The following UGT1A5 variants were observed in gnomAD, a reference collection of about 807,000 sequenced individuals.
The protein encoded by UGT1A5 is UDP-glucuronosyltransferase 1A5.
In UGT1A5, 29 loss-of-function variants were observed where a neutral mutation model predicts 40.3. The ratio of observed to expected loss-of-function variants is 0.72; its 90% CI spans 0.54 to 0.98. The LOEUF (loss-of-function observed/expected upper bound fraction) is 0.98. Among genes scored for constraint, UGT1A5 ranks in the 50% least tolerant of loss-of-function variants. UGT1A5 has a pLI of 0.00. For missense variants in UGT1A5, 678 were observed against 677.9 expected (o/e 1.00, Z 0.00); for synonymous variants, 257 against 262.5 (o/e 0.98, Z 0.20).
chr2:233,717,234 A>G (rs2076558835), intron 1 of UGT1A5, among the ~76,000 whole-genome samples: 1 of 152,176 alleles, frequency 6.6e-6, no homozygotes, highest in Admixed American at 6.5e-5. Flanking sequence ...GGTTCTTAAG[A>G]TGCAGACAGT....
Position 233,768,357 on chromosome 2 carries a change from G to A in UGT1A5, c.1225G>A (p.Gly409Arg). Residue 409 changes from glycine (G) to arginine (R), a missense_variant, in exon 4 of 5, where the codon GGA becomes AGA. By Grantham distance (125) the Gly-to-Arg change is moderately radical. Transcript: ENST00000373414. ...CAATGCAAAGCGCATGGAGACTAAG[G>A]GAGCTGGAGTGACCCTGAATGTTCT... ...MDNAKRMETK[G>R]AGVTLNVLEM... 6 of 1,614,142 alleles carry A rather than the reference G, an allele frequency of 3.7e-6. No homozygotes were observed. The highest frequency in any genetic ancestry group is 5.1e-6 in the Non-Finnish European group (6 of 1,180,032).
chr2:233,747,765 A>T, intron 1 of UGT1A5: 1 of 1,613,500 alleles, frequency 6.2e-7, no homozygotes, highest in Non-Finnish European at 8.5e-7. Context: ...CTTTAAGGGC[A>T]CACAGTGTCC....
intron 1 of UGT1A5, chr2:233,719,820 C>T: frequency 6.4e-7 from 1 of 1,571,828 alleles, no homozygotes; most frequent in Non-Finnish European, 8.6e-7. Flanking sequence ...AACAGATAAA[C>T]TGTTGAGGGG....
rs140860588 is a variant in UGT1A5 at position 233,718,960 on chromosome 2, C to T, written c.867+5102C>T. On this transcript the variant is annotated intron_variant, in intron 1 of 4. Coordinates refer to ENST00000373414, the MANE Select transcript of UGT1A5 (RefSeq NM_019078.2). ...AGCCCCTGGCTCAGCATGCGGGAGG[C>T]CTTGCGGGAGCTCCATGCCAGAGGC... 1.4e-4 allele frequency: 218 copies of T among 1,614,192 alleles called. No homozygotes were observed. The highest frequency in any genetic ancestry group is 1.5e-4 in the Non-Finnish European group (177 of 1,180,018).
In UGT1A5 at chr2:233,736,783, G is replaced by T. The variant is rs545223479; in HGVS notation, c.867+22925G>T. ...CTTCTAACAGTCAGATCCCTCAGCTGCAGGTCTGTTGGAGTTTGCTGGAGG... is the reference window on the plus strand; with the variant it reads ...CTTCTAACAGTCAGATCCCTCAGCTTCAGGTCTGTTGGAGTTTGCTGGAGG... On this transcript the variant is annotated intron_variant, in intron 1 of 4. Transcript: ENST00000373414. Among the ~76,000 whole-genome samples, 9 of 152,312 alleles carry T rather than the reference G, an allele frequency of 5.9e-5. No homozygotes were observed. The South Asian group carries it at 1.9e-3, about 32-fold the overall frequency.
At chr2:233,754,607 T>G (rs1695531840) in intron 1 of UGT1A5, 1 of 435,160 alleles carries the variant, frequency 2.3e-6, no homozygotes, top group Admixed American at 2.6e-5. Flanking sequence ...AACTCAACTC[T>G]CCATCTTCCT....
Position 233,760,817 on chromosome 2 carries a change from G to A in UGT1A5, c.868-6217G>A, listed in dbSNP as rs1373930486. 1 of 1,613,516 alleles carries A rather than the reference G, an allele frequency of 6.2e-7. No individual in the cohort carries two copies. Among genetic ancestry groups the A allele is most frequent in the South Asian group, 1.1e-5 (1 of 91,054 alleles). ...GTATTCTTCTTGCATGCACTGCCAT[G>A]CAGCCTGGAATTTGAGGCTACCCAG... On this transcript the variant is annotated intron_variant, in intron 1 of 4. Transcript: ENST00000373414.
At chr2:233,730,076 AT>A (rs1473857752) in intron 1 of UGT1A5, 33 of 1,607,120 alleles carry the variant, frequency 2.1e-5, no homozygotes, top group Non-Finnish European at 2.4e-5. Flanking sequence ...TTGCTTCCAT[AT>A]TTACTTATCT....
Position 233,743,607 on chromosome 2 carries a change from A to G in UGT1A5, c.868-23427A>G, listed in dbSNP as rs531629615. 1.8e-5 allele frequency: 24 copies of G among 1,367,342 alleles called. No homozygotes were observed. In the East Asian group the frequency reaches 1.0e-3, roughly 57 times the overall value. 84.7% of individuals were successfully genotyped at this position (1,367,342 alleles called of 1,614,324 possible). A position where few individuals can be genotyped will look rare whatever the true frequency, so the allele number is the denominator to read the frequency against. The stretch of plus-strand genomic sequence containing the variant: ...AAGGAGAATGGGTCCTGGCCGCCGA[A>G]GAACTCCCTGAAGACGTCGGCTGGG... On this transcript the variant is annotated intron_variant, in intron 1 of 4. Transcript: ENST00000373414.
At chr2:233,729,094 G>A in intron 1 of UGT1A5, 1 of 1,612,652 alleles carries the variant, frequency 6.2e-7, no homozygotes, top group Non-Finnish European at 8.5e-7. Context: ...ACAGCGTGGG[G>A]TGGACAGTCA....
chr2:233,725,867 A>C (rs2077480868), intron 1 of UGT1A5, among the ~76,000 whole-genome samples: 1 of 152,102 alleles, frequency 6.6e-6, no homozygotes, highest in Admixed American at 6.5e-5. Context: ...CATCTCTTTT[A>C]ATTTGAAAAT....
At chr2:233,761,241 A>G in intron 1 of UGT1A5, 1 of 1,611,640 alleles carries the variant, frequency 6.2e-7, no homozygotes, top group Non-Finnish European at 8.5e-7. Context: ...TATGCTGAGC[A>G]AGCATTCTGA....
At chr2:233,728,345 G>A (rs2077703623) in intron 1 of UGT1A5, among the ~76,000 whole-genome samples, 1 of 152,208 alleles carries the variant, frequency 6.6e-6, no homozygotes, top group Non-Finnish European at 1.5e-5. Context: ...GTCCCTTGGT[G>A]AGCAGGAGCT....
rs1454259266 is a variant in UGT1A5 at position 233,713,875 on chromosome 2, T to G, written c.867+17T>G. On this transcript the variant is annotated intron_variant, in intron 1 of 4. Transcript: ENST00000373414. ...CTATCTCAGGTCTGTATTGGTGCCTTTATCCAATCAATGTTCCAGGCAAAA... is the reference window on the plus strand; with the variant it reads ...CTATCTCAGGTCTGTATTGGTGCCTGTATCCAATCAATGTTCCAGGCAAAA... 6.2e-7 allele frequency: 1 copy of G among 1,613,754 alleles called. No homozygotes were observed. The highest frequency in any genetic ancestry group is 1.7e-5 in the Admixed American group (1 of 60,012).
chr2:233,763,429 C>G (rs192488384), intron 1 of UGT1A5, among the ~76,000 whole-genome samples: 230 of 152,268 alleles, frequency 1.5e-3, no homozygotes, highest in South Asian at 0.014. Context: ...CAGGCAGTTG[C>G]TTTAATAAGT....
intron 1 of UGT1A5, chr2:233,719,320 T>C (rs1246045139): frequency 6.8e-6 from 11 of 1,613,984 alleles, no homozygotes; most frequent in Non-Finnish European, 8.5e-6. Context: ...TACCTGTCGA[T>C]TCCTGCTGTG....
rs1478087363 is a variant in UGT1A5 at position 233,769,799 on chromosome 2, G to A, written c.1307+1360G>A. 4.2e-6 allele frequency: 5 copies of A among 1,197,998 alleles called. No individual in the cohort carries two copies. Among genetic ancestry groups the A allele is most frequent in the Admixed American group, 5.9e-5 (2 of 34,170 alleles). 74.2% of individuals were successfully genotyped at this position (1,197,998 alleles called of 1,614,324 possible). A position where few individuals can be genotyped will look rare whatever the true frequency, so the allele number is the denominator to read the frequency against. ...GAGCCCAGAAGTTGGAGGCTGCTAT[G>A]AGCCGTGATCATGCCACTGCACTCC... On this transcript the variant is annotated intron_variant, in intron 4 of 4. Transcript: ENST00000373414. This position sits in a 1 kb window ranked among gnomAD's most constrained non-coding sequence, Gnocchi z 4.4.
In UGT1A5 at chr2:233,759,969, C is replaced by T. The variant is rs922270020; in HGVS notation, c.868-7065C>T. Among the ~76,000 whole-genome samples the T allele has an allele frequency of 3.3e-5, 5 of 152,292 alleles. No homozygotes were observed. The East Asian group carries it at 9.6e-4, about 29-fold the overall frequency. On this transcript the variant is annotated intron_variant, in intron 1 of 4. Transcript: ENST00000373414. ...GTTCACTACATAGTCGTCCTTCTTC[C>T]TCTCTGGTAACACTTGTTGGTCTGT...
chr2:233,729,936 G>A (rs1335744695), intron 1 of UGT1A5: 1 of 1,613,890 alleles, frequency 6.2e-7, no homozygotes, highest in Admixed American at 1.7e-5. Flanking sequence ...GGCCAATCAT[G>A]CCCAACATGG....
Sources: gnomAD v4.1 joint callset for allele counts (sites outside exome capture counted in the v4.1 genomes callset) on GRCh38, gnomAD v4.1.1 for gene constraint, Gnocchi (gnomAD v3.1) non-coding constraint, MANE v1.5 for transcripts, NCBI Gene and HGNC (gene_info 2026-07-23, HGNC 2026-07-21) for gene names.